The following WWOX variants were observed in gnomAD, a reference collection of about 807,000 sequenced individuals.
WWOX encodes the protein WW domain-containing oxidoreductase.
A neutral mutation model predicts 46.2 loss-of-function variants in WWOX; 69 were observed. That is an observed-to-expected ratio of 1.49 (90% CI 1.23 to 1.82). WWOX has a LOEUF of 1.82. WWOX is among the 40% of genes most tolerant of loss of function. WWOX has a pLI of 0.00. For missense variants in WWOX, 919 were observed against 542.6 expected (o/e 1.69, Z -6.89); for synonymous variants, 359 against 202.6 (o/e 1.77, Z -6.56).
chr16:79,118,543 C>T (rs1167490894), intron 8 of WWOX, among the ~76,000 whole-genome samples: 2 of 151,992 alleles, frequency 1.3e-5, no homozygotes, highest in Non-Finnish European at 2.9e-5. Context: ...CAGAAACCTT[C>T]GATTTGTAAA....
At chr16:78,226,981 A>G (rs1163720551) in intron 5 of WWOX, among the ~76,000 whole-genome samples, 1 of 152,150 alleles carries the variant, frequency 6.6e-6, no homozygotes. Flanking sequence ...ATAAGCAAAA[A>G]AACAAGAGGG....
intron 8 of WWOX, among the ~76,000 whole-genome samples, chr16:78,806,768 G>A (rs1026768398): frequency 2.0e-5 from 3 of 152,164 alleles, no homozygotes; most frequent in Admixed American, 6.5e-5. Context: ...AACCAGGTTT[G>A]CAGTGAGAGG....
chr16:78,131,669 C>T (rs533353473), intron 4 of WWOX, among the ~76,000 whole-genome samples: 22 of 151,944 alleles, frequency 1.4e-4, no homozygotes, highest in African/African-American at 2.2e-4. Flanking sequence ...GCAACCTCCA[C>T]GTCCCAGGTT....
chr16:78,716,360 C>T (rs556120169), intron 8 of WWOX, among the ~76,000 whole-genome samples: 17 of 152,118 alleles, frequency 1.1e-4, no homozygotes, highest in Non-Finnish European at 5.9e-5. Flanking sequence ...CTTCTGGGTT[C>T]CGCAACTGCA....
At chr16:79,136,046 T>G (rs571060103) in intron 8 of WWOX, among the ~76,000 whole-genome samples, 2 of 152,322 alleles carry the variant, frequency 1.3e-5, no homozygotes, top group South Asian at 2.1e-4. Context: ...ATTTTAACTT[T>G]CTATATTCAA....
chr16:78,940,948 C>A (rs867502916), intron 8 of WWOX, among the ~76,000 whole-genome samples: 38 of 151,954 alleles, frequency 2.5e-4, no homozygotes, highest in African/African-American at 7.7e-4. Context: ...TCTGCCCCCC[C>A]ACCCCATCCC....
chr16:78,749,199 A>C (rs1236770379), intron 8 of WWOX, among the ~76,000 whole-genome samples: 1 of 152,172 alleles, frequency 6.6e-6, no homozygotes, highest in Non-Finnish European at 1.5e-5. Context: ...CCTGTGTGCC[A>C]TGCATCACAC....
At chr16:79,164,494 A>C (rs2050552515) in intron 8 of WWOX, among the ~76,000 whole-genome samples, 1 of 151,250 alleles carries the variant, frequency 6.6e-6, no homozygotes, top group South Asian at 2.1e-4. Context: ...GGATGGGGGG[A>C]TGGGGGGAGG....
At chr16:79,033,808 A>T (rs961867065) in intron 8 of WWOX, among the ~76,000 whole-genome samples, 9 of 152,222 alleles carry the variant, frequency 5.9e-5, no homozygotes, top group African/African-American at 2.2e-4. Context: ...AAGTGGAATC[A>T]CACAGTGTGT....
chr16:78,864,075 G>T (rs1208802574), intron 8 of WWOX, among the ~76,000 whole-genome samples: 4 of 152,172 alleles, frequency 2.6e-5, no homozygotes, highest in Admixed American at 2.6e-4. Flanking sequence ...GTAAGTTTTT[G>T]TTGGAACACC....
chr16:78,458,590 T>G (rs1253609235), intron 8 of WWOX, among the ~76,000 whole-genome samples: 2 of 152,194 alleles, frequency 1.3e-5, no homozygotes, highest in Non-Finnish European at 2.9e-5. Flanking sequence ...TCTTAAACAT[T>G]TATTTATTTT....
chr16:79,136,489 A>G (rs1465270857), intron 8 of WWOX, among the ~76,000 whole-genome samples: 1 of 152,152 alleles, frequency 6.6e-6, no homozygotes, highest in Non-Finnish European at 1.5e-5. Context: ...TCGGCCTCCC[A>G]AAGTGCTGGG....
At chr16:78,448,162 C>G (rs1261062478) in intron 8 of WWOX, among the ~76,000 whole-genome samples, 1 of 152,138 alleles carries the variant, frequency 6.6e-6, no homozygotes, top group East Asian at 1.9e-4. Context: ...TACTTGCCCC[C>G]AATCCATGCA....
chr16:78,934,508 C>CAAA (rs760272326), intron 8 of WWOX, among the ~76,000 whole-genome samples: 18 of 73,906 alleles, frequency 2.4e-4, no homozygotes, highest in Admixed American at 3.7e-4. Context: ...AACCCTGTAT[C>CAAA]AAAAAAAAAA....
intron 8 of WWOX, among the ~76,000 whole-genome samples, chr16:78,765,464 A>G (rs2049905169): frequency 6.6e-6 from 1 of 152,162 alleles, no homozygotes; most frequent in Non-Finnish European, 1.5e-5. Context: ...GGACCACCTG[A>G]GGTCAGGAGT....
At chr16:79,023,048 A>G (rs1262735137) in intron 8 of WWOX, among the ~76,000 whole-genome samples, 2 of 151,416 alleles carry the variant, frequency 1.3e-5, no homozygotes, top group African/African-American at 4.9e-5. Flanking sequence ...GCTTATTGAA[A>G]AAACAAAAAT....
chr16:78,882,453 G>T lies in WWOX; in HGVS notation c.1057-329155G>T, dbSNP rs1017155233. Among the ~76,000 whole-genome samples, 3 of 151,130 alleles carry T rather than the reference G, an allele frequency of 2.0e-5. No individual in the cohort carries two copies. In the East Asian group the frequency reaches 5.8e-4, roughly 29 times the overall value. On this transcript the variant is annotated intron_variant, in intron 8 of 8. Transcript: ENST00000566780. The stretch of plus-strand genomic sequence containing the variant: ...CTAAGCTCCACTACAGCTGGAGAAG[G>T]TTCTGTTAACACACCATACATCTTT...
intron 5 of WWOX, among the ~76,000 whole-genome samples, chr16:78,317,052 A>G (rs779490035): frequency 7.2e-5 from 11 of 152,190 alleles, no homozygotes; most frequent in Non-Finnish European, 1.3e-4. Context: ...CCTGCACAGT[A>G]AGTAGGCCAG....
At chr16:78,492,039 T>C (rs1289516386) in intron 8 of WWOX, among the ~76,000 whole-genome samples, 2 of 145,466 alleles carry the variant, frequency 1.4e-5, no homozygotes, top group Non-Finnish European at 3.0e-5. Flanking sequence ...GGAGTGGGGG[T>C]GTGGGGGTGT....
Sources: gnomAD v4.1 joint callset for allele counts (sites outside exome capture counted in the v4.1 genomes callset) on GRCh38, gnomAD v4.1.1 for gene constraint, MANE v1.5 for transcripts, NCBI Gene and HGNC (gene_info 2026-07-23, HGNC 2026-07-21) for gene names.